The following LRMDA variants were observed in gnomAD, a reference collection of about 807,000 sequenced individuals.
LRMDA encodes the protein leucine rich melanocyte differentiation associated.
In LRMDA, 18 loss-of-function variants were observed where a neutral mutation model predicts 29.8. The ratio of observed to expected loss-of-function variants is 0.60; its 90% CI spans 0.42 to 0.90. The LOEUF (loss-of-function observed/expected upper bound fraction) is 0.90, where lower values mean the gene tolerates loss of function less well. LRMDA is among the 40% of genes least tolerant of loss of function. The pLI is 0.00. For missense variants in LRMDA, 273 were observed against 273.9 expected, an observed-to-expected ratio of 1.00 and a Z score of 0.02; for synonymous variants, 125 against 109.4, an observed-to-expected ratio of 1.14 and a Z score of -0.89.
rs71024579 is a variant in LRMDA at position 75,915,120 on chromosome 10, C to CTTTTTTTTTTTTT, written c.132-120871_132-120859dup. ...CTTAGAAATTCTCATGTCTAACCTT[C>CTTTTTTTTTTTTT]TTTTTTTTTTTTTTTTTTTTTTTTT... is the stretch of plus-strand genomic sequence containing the variant. On this transcript the variant is annotated intron_variant, in intron 2 of 6. Coordinates refer to ENST00000611255, the MANE Select transcript of LRMDA (RefSeq NM_001305581.2). 5.3e-5 allele frequency among the ~76,000 whole-genome samples: 4 copies of CTTTTTTTTTTTTT among 75,218 alleles called. 1 individual carries two copies. The highest frequency in any genetic ancestry group is 2.2e-4 in the African/African-American group (4 of 18,368). 49.3% of individuals were successfully genotyped at this position (75,218 alleles called of 152,430 possible). A position where few individuals can be genotyped will look rare whatever the true frequency, so the allele number is the denominator to read the frequency against.
intron 5 of LRMDA, among the ~76,000 whole-genome samples, chr10:76,165,888 C>T (rs1395490922): frequency 6.6e-6 from 1 of 152,170 alleles, no homozygotes. Flanking sequence ...ACCATATCAG[C>T]ACACTCATTC....
At chr10:76,212,428 T>G (rs1851653303) in intron 5 of LRMDA, among the ~76,000 whole-genome samples, 1 of 152,180 alleles carries the variant, frequency 6.6e-6, no homozygotes, top group Non-Finnish European at 1.5e-5. Flanking sequence ...TTTTTCTAAT[T>G]ATTGCTTCTA....
chr10:75,825,841 C>T (rs553937104), intron 2 of LRMDA, among the ~76,000 whole-genome samples: 118 of 152,238 alleles, frequency 7.8e-4, no homozygotes, highest in African/African-American at 2.8e-3. Flanking sequence ...ACTCATAAGA[C>T]TCTTGAAGGC....
intron 2 of LRMDA, among the ~76,000 whole-genome samples, chr10:75,994,476 G>C (rs1847425775): frequency 1.3e-5 from 2 of 152,168 alleles, no homozygotes; most frequent in South Asian, 4.1e-4. Context: ...GCAATCAGTG[G>C]GCTTTGCTTA....
intron 2 of LRMDA, among the ~76,000 whole-genome samples, chr10:75,646,900 C>T (rs1389171235): frequency 2.0e-5 from 3 of 152,158 alleles, no homozygotes; most frequent in Non-Finnish European, 2.9e-5. Context: ...ATTATACAGC[C>T]GTATGGGCTG....
At chr10:76,446,353 C>A (rs977760181) in intron 6 of LRMDA, among the ~76,000 whole-genome samples, 5 of 152,206 alleles carry the variant, frequency 3.3e-5, no homozygotes, top group Middle Eastern at 3.4e-3. Context: ...TATAGTCAAC[C>A]CTCCATATCC....
intron 2 of LRMDA, among the ~76,000 whole-genome samples, chr10:75,531,178 G>A (rs1247328411): frequency 1.3e-5 from 2 of 152,156 alleles, no homozygotes; most frequent in African/African-American, 4.8e-5. Flanking sequence ...AATGTTGTTA[G>A]CCAGTGGGTA....
intron 5 of LRMDA, among the ~76,000 whole-genome samples, chr10:76,088,537 A>T (rs1048828371): frequency 2.6e-5 from 4 of 152,202 alleles, no homozygotes; most frequent in Non-Finnish European, 5.9e-5. Context: ...CTGACTCACA[A>T]TATCTGGATG....
At chr10:75,731,713 G>T (rs547214237) in intron 2 of LRMDA, among the ~76,000 whole-genome samples, 1 of 152,298 alleles carries the variant, frequency 6.6e-6, no homozygotes, top group African/African-American at 2.4e-5. Context: ...TGACACGTTG[G>T]TTTCTTCAAC....
chr10:76,258,153 G>A (rs1303738621), intron 5 of LRMDA, among the ~76,000 whole-genome samples: 1 of 152,138 alleles, frequency 6.6e-6, no homozygotes, highest in Non-Finnish European at 1.5e-5. Flanking sequence ...TATGTATAGA[G>A]GTAAAAGAAA....
At chr10:75,612,880 G>A (rs948111510) in intron 2 of LRMDA, among the ~76,000 whole-genome samples, 1 of 151,814 alleles carries the variant, frequency 6.6e-6, no homozygotes, top group East Asian at 1.9e-4. Flanking sequence ...AACTTTGGTG[G>A]GGAAAAAAAA....
chr10:75,628,977 G>A (rs975099340), intron 2 of LRMDA, among the ~76,000 whole-genome samples: 7 of 152,242 alleles, frequency 4.6e-5, no homozygotes, highest in Admixed American at 3.3e-4. Context: ...AATCCCTCTA[G>A]TAGCATTTTT....
chr10:76,436,918 CT>C lies in LRMDA; in HGVS notation c.601+112435del, dbSNP rs1842250673. Among the ~76,000 whole-genome samples, 3 of 152,064 alleles carry C rather than the reference CT, an allele frequency of 2.0e-5. No homozygotes were observed. In the South Asian group the frequency reaches 6.2e-4, roughly 32 times the overall value. ...GCCAGAGCCAGTGTCGCCCACCTTC[CT>C]TCTCCCTCCACCTACCTGAGCTGCC... On this transcript the variant is annotated intron_variant, in intron 6 of 6. Coordinates refer to ENST00000611255, the MANE Select transcript of LRMDA (RefSeq NM_001305581.2).
chr10:76,537,449 T>C (rs755961606), intron 6 of LRMDA, among the ~76,000 whole-genome samples: 4 of 152,220 alleles, frequency 2.6e-5, no homozygotes, highest in Non-Finnish European at 5.9e-5. Flanking sequence ...CTGACCTTGG[T>C]CTTCATTGAG....
At chr10:76,070,187 G>A (rs1039016726) in intron 5 of LRMDA, among the ~76,000 whole-genome samples, 1 of 152,188 alleles carries the variant, frequency 6.6e-6, no homozygotes, top group Admixed American at 6.5e-5. Flanking sequence ...AACTTACAAG[G>A]ACTCTTTTTG....
At chr10:75,720,557 AG>A (rs757614208) in intron 2 of LRMDA, among the ~76,000 whole-genome samples, 1 of 152,222 alleles carries the variant, frequency 6.6e-6, no homozygotes, top group Non-Finnish European at 1.5e-5. Flanking sequence ...TTAACAGAGT[AG>A]TCTTCAGGTT....
intron 6 of LRMDA, among the ~76,000 whole-genome samples, chr10:76,421,469 C>A (rs1842070939): frequency 6.6e-6 from 1 of 152,050 alleles, no homozygotes; most frequent in Non-Finnish European, 1.5e-5. Flanking sequence ...GAAAACCTTC[C>A]TTTTAATGGT....
chr10:75,618,083 A>C (rs1389926744), intron 2 of LRMDA, among the ~76,000 whole-genome samples: 1 of 152,130 alleles, frequency 6.6e-6, no homozygotes, highest in Admixed American at 6.5e-5. Context: ...TTAATCATAG[A>C]CTGACTTGAA....
At chr10:75,657,547 G>T (rs534738012) in intron 2 of LRMDA, among the ~76,000 whole-genome samples, 1 of 152,298 alleles carries the variant, frequency 6.6e-6, no homozygotes, top group East Asian at 1.9e-4. Context: ...TCACTTTCTA[G>T]TTGTGTGGCC....
Sources: gnomAD v4.1 joint callset for allele counts (sites outside exome capture counted in the v4.1 genomes callset) on GRCh38, gnomAD v4.1.1 for gene constraint, MANE v1.5 for transcripts, NCBI Gene and HGNC (gene_info 2026-07-23, HGNC 2026-07-21) for gene names.